PCMTD2: variants seen among roughly 807,000 people sequenced by gnomAD.
The protein encoded by PCMTD2 is protein-L-isoaspartate (D-aspartate) O-methyltransferase domain containing 2.
A neutral mutation model predicts 33.4 loss-of-function variants in PCMTD2; 16 were observed. The observed-to-expected ratio is 0.48, with a 90% CI of 0.32 to 0.73. The LOEUF is 0.73. PCMTD2 is among the 30% of genes least tolerant of loss of function. PCMTD2 has a pLI of 0.03. For missense variants in PCMTD2, 374 were observed against 449.9 expected, an observed-to-expected ratio of 0.83 and a Z score of 1.53; for synonymous variants, 161 against 160.8, an observed-to-expected ratio of 1.00 and a Z score of -0.01.
intron 5 of PCMTD2, 143 bp downstream of exon 5, chr20:64,268,153 T>TAATCGTTGTTTTATAA: frequency 1.8e-6 from 1 of 563,364 alleles, no homozygotes; most frequent in Non-Finnish European, 3.1e-6. Flanking sequence ...CTACAAGCAA[T>TAATCGTTGTTTTATAA]TTCAGGCATT....
In PCMTD2 at chr20:64,270,690, C is replaced by A. The variant is rs553269589; in HGVS notation, c.707-2531C>A. ...AAGATAAAAACTAAGACACTGGCTG[C>A]TACAGTGGAGAAGATTCAGTGATAC... On this transcript the variant is annotated intron_variant, in intron 5 of 5. Transcript: ENST00000308824. Among the ~76,000 whole-genome samples, 451 of 152,314 alleles carry A rather than the reference C, an allele frequency of 3.0e-3. 3 individuals carry two copies. Among genetic ancestry groups the A allele is most frequent in the Non-Finnish European group, 5.5e-3 (374 of 68,020 alleles).
At chr20:64,268,913 G>A (rs1253464634) in intron 5 of PCMTD2, among the ~76,000 whole-genome samples, 1 of 152,166 alleles carries the variant, frequency 6.6e-6, no homozygotes, top group East Asian at 1.9e-4. Flanking sequence ...CATGCAAAAC[G>A]GTTAATTAGG....
intron 5 of PCMTD2, among the ~76,000 whole-genome samples, chr20:64,270,762 T>C (rs1985886164): frequency 6.9e-6 from 1 of 143,954 alleles, no homozygotes; most frequent in Admixed American, 6.8e-5. Flanking sequence ...AGGTGTTCGT[T>C]GTGATACGTA....
chr20:64,267,529 C>T (rs1315706346), intron 4 of PCMTD2, among the ~76,000 whole-genome samples: 1 of 152,190 alleles, frequency 6.6e-6, no homozygotes, highest in Non-Finnish European at 1.5e-5. Flanking sequence ...AACAGACCCC[C>T]TTTTCACCCT....
intron 4 of PCMTD2, 24 bp from the exon 5 acceptor site, chr20:64,267,863 A>G (rs547249200): frequency 6.2e-7 from 1 of 1,606,210 alleles, no homozygotes; most frequent in South Asian, 1.1e-5. Flanking sequence ...TCTTTTGAAT[A>G]TTCTCATTTT....
chr20:64,267,621 A>C (rs543858167), intron 4 of PCMTD2, among the ~76,000 whole-genome samples: 1 of 152,318 alleles, frequency 6.6e-6, no homozygotes, highest in South Asian at 2.1e-4. Context: ...TCCTCTTGCT[A>C]TCCTATAACT....
At position 64,275,171 on chromosome 20, in the gene PCMTD2, T is replaced by G. The variant is rs1986060217; in HGVS notation, c.*1571T>G. On this transcript the variant is annotated 3_prime_UTR_variant, in exon 6 of 6. Transcript: ENST00000308824. ...ATTGCTCTAGATTGGGCAGTTTAAG[T>G]CATTTTAAAGAAAGTTAGTTCATAG... The G allele has an allele frequency of 6.6e-6, 1 of 152,210 alleles. No homozygotes were observed. Among genetic ancestry groups the G allele is most frequent in the Non-Finnish European group, 1.5e-5 (1 of 68,016 alleles). The allele number at this position is 152,210 out of a possible 1,614,324, so 9.4% of individuals were successfully genotyped here.
intron 5 of PCMTD2, among the ~76,000 whole-genome samples, chr20:64,270,257 G>T (rs1415209614): frequency 6.7e-6 from 1 of 149,696 alleles, no homozygotes; most frequent in Non-Finnish European, 1.5e-5. Flanking sequence ...TCGTGTGAGT[G>T]TGGGCACGTG....
chr20:64,256,280 C>T (rs1021853636), intron 1 of PCMTD2, among the ~76,000 whole-genome samples: 3 of 151,612 alleles, frequency 2.0e-5, no homozygotes, highest in Admixed American at 2.0e-4. Flanking sequence ...AATAATTGCG[C>T]CCCCCCGCCC....
At chr20:64,255,986 T>G (rs10470010) in intron 1 of PCMTD2, 116 bp downstream of exon 1, 73,091 of 148,134 alleles carry the variant, frequency 0.49, 18,426 homozygotes, top group South Asian at 0.57. Flanking sequence ...CGCCCGGAGC[T>G]CTCCTCTGGG....
intron 2 of PCMTD2, chr20:64,262,791 AAG>A (rs1985484759): frequency 6.6e-6 from 1 of 152,278 alleles, no homozygotes; most frequent in South Asian, 2.1e-4. Flanking sequence ...AGTAGCTACT[AAG>A]AGATGGTGGC....
At chr20:64,258,452 A>G (rs1985261419) in intron 1 of PCMTD2, among the ~76,000 whole-genome samples, 1 of 152,226 alleles carries the variant, frequency 6.6e-6, no homozygotes, top group African/African-American at 2.4e-5. Flanking sequence ...ATTCAGCTCT[A>G]AAATCTTGAG....
chr20:64,272,610 G>C (rs1985953988), intron 5 of PCMTD2, among the ~76,000 whole-genome samples: 1 of 152,234 alleles, frequency 6.6e-6, no homozygotes, highest in African/African-American at 2.4e-5. Flanking sequence ...CTTGATGTTA[G>C]GAGTTTGAGA....
At chr20:64,258,207 C>T (rs768209344) in intron 1 of PCMTD2, among the ~76,000 whole-genome samples, 9 of 152,144 alleles carry the variant, frequency 5.9e-5, no homozygotes, top group African/African-American at 9.7e-5. Flanking sequence ...CACATGATTC[C>T]GCTTTTAACC....
chr20:64,259,853 G>C (rs1166595875), intron 1 of PCMTD2, 89 bp from the exon 2 acceptor site: 2 of 650,916 alleles, frequency 3.1e-6, no homozygotes, highest in African/African-American at 3.6e-5. Context: ...TCAGAATTCA[G>C]AATTTCAAAT....
In PCMTD2 at chr20:64,274,727, C is replaced by G. The variant is rs1986046496; in HGVS notation, c.*1127C>G. 6.6e-6 allele frequency: 1 copy of G among 152,188 alleles called. No homozygotes were observed. The highest frequency in any genetic ancestry group is 1.5e-5 in the Non-Finnish European group (1 of 68,032). 9.4% of individuals were successfully genotyped at this position (152,188 alleles called of 1,614,324 possible). A position where few individuals can be genotyped will look rare whatever the true frequency, so the allele number is the denominator to read the frequency against. On this transcript the variant is annotated 3_prime_UTR_variant, in exon 6 of 6. Transcript: ENST00000308824. ...CATTGCATGAGAAGAGTGTAACTCA[C>G]ACTGACTTGTGATATCAGCCTTCTC...
At chr20:64,270,813 C>T (rs367955404) in intron 5 of PCMTD2, among the ~76,000 whole-genome samples, 7 of 76,262 alleles carry the variant, frequency 9.2e-5, no homozygotes, top group South Asian at 5.5e-4. Flanking sequence ...GTGAGGTGTT[C>T]GTTGTGATAC....
In PCMTD2 at chr20:64,261,744, A is replaced by G. The variant is rs187251114; in HGVS notation, c.307+1472A>G. Reference sequence around the variant, plus strand: ...GCTTTTTGACCGTAACTTCTCTTCAATTGAGACTGTTGTGATCCCTGTGCT... The same window carrying G: ...GCTTTTTGACCGTAACTTCTCTTCAGTTGAGACTGTTGTGATCCCTGTGCT... On this transcript the variant is annotated intron_variant, in intron 2 of 5. Coordinates refer to ENST00000308824, the MANE Select transcript of PCMTD2 (RefSeq NM_018257.3). 4.7e-4 allele frequency among the ~76,000 whole-genome samples: 71 copies of G among 152,244 alleles called. 1 individual carries two copies. Among genetic ancestry groups the G allele is most frequent in the Admixed American group, 2.5e-3 (38 of 15,300 alleles).
intron 4 of PCMTD2, among the ~76,000 whole-genome samples, chr20:64,265,833 C>T (rs958371820): frequency 1.3e-5 from 2 of 152,044 alleles, no homozygotes; most frequent in Non-Finnish European, 2.9e-5. Flanking sequence ...CATCATTAGT[C>T]TAATTGTTAC....
Sources: gnomAD v4.1 joint callset for allele counts (sites outside exome capture counted in the v4.1 genomes callset) on GRCh38, gnomAD v4.1.1 for gene constraint, MANE v1.5 for transcripts, NCBI Gene and HGNC (gene_info 2026-07-23, HGNC 2026-07-21) for gene names.